The following CLN8 variants were observed in gnomAD, a reference collection of about 807,000 sequenced individuals.
CLN8 encodes the protein protein CLN8.
CLN8 carries 14 observed loss-of-function variants against 15.7 expected under a neutral mutation model. The ratio of observed to expected loss-of-function variants is 0.89; its 90% CI spans 0.59 to 1.39. CLN8 has a LOEUF of 1.39. CLN8 is among the 40% of genes most tolerant of loss of function. The pLI is 0.00. For missense variants in CLN8, 415 were observed against 364.0 expected (o/e 1.14, Z -1.14); for synonymous variants, 188 against 151.0 (o/e 1.25, Z -1.80).
intron 1 of CLN8, among the ~76,000 whole-genome samples, chr8:1,767,209 C>G (rs1352776469): frequency 6.6e-6 from 1 of 152,222 alleles, no homozygotes; most frequent in East Asian, 1.9e-4. Context: ...ACAGCACCAG[C>G]TTACCCAGAA....
chr8:1,758,248 G>A lies in CLN8; in HGVS notation c.-124+2166G>A, dbSNP rs531874674. Reference sequence around the variant, plus strand: ...GAGTTCTTTTTCTCTTTATTTCTAAGGTTTAATTTTGCCACACTTGCTAAA... The same window carrying A: ...GAGTTCTTTTTCTCTTTATTTCTAAAGTTTAATTTTGCCACACTTGCTAAA... On this transcript the variant is annotated intron_variant, in intron 1 of 1. Coordinates refer to the CLN8 transcript ENST00000524258. 6 of 152,236 alleles carry A rather than the reference G, an allele frequency of 3.9e-5. 1 individual carries two copies. Among genetic ancestry groups the A allele is most frequent in the Admixed American group, 1.3e-4 (2 of 15,290 alleles). 9.4% of individuals were successfully genotyped at this position (152,236 alleles called of 1,614,324 possible). A position where few individuals can be genotyped will look rare whatever the true frequency, so the allele number is the denominator to read the frequency against.
Position 1,775,131 on chromosome 8 carries a change from A to T in CLN8, c.543+3534A>T, listed in dbSNP as rs1168058134. 2.0e-5 allele frequency among the ~76,000 whole-genome samples: 3 copies of T among 152,250 alleles called. No homozygotes were observed. The East Asian group carries it at 5.8e-4, about 29-fold the overall frequency. On this transcript the variant is annotated intron_variant, in intron 2 of 2. Coordinates refer to ENST00000331222, the MANE Select transcript of CLN8 (RefSeq NM_018941.4). The stretch of plus-strand genomic sequence containing the variant: ...GATCAAAAATATTTGGGAAAAATTT[A>T]AAATAATATAACAATAAAAAATATA...
chr8:1,760,990 A>G (rs1199244807), upstream of CLN8, among the ~76,000 whole-genome samples: 1 of 149,976 alleles, frequency 6.7e-6, no homozygotes, highest in Admixed American at 6.6e-5. Context: ...GCGTAACTAC[A>G]TCTAAGCATG....
At chr8:1,767,179 C>T (rs1053430944) in intron 1 of CLN8, among the ~76,000 whole-genome samples, 8 of 152,208 alleles carry the variant, frequency 5.3e-5, no homozygotes, top group Non-Finnish European at 1.0e-4. Context: ...CAGAGACCCA[C>T]AGTAACGAGT....
rs1409200731 is a variant in CLN8 at position 1,771,373 on chromosome 8, A to G, written c.319A>G (p.Ile107Val). The G allele has an allele frequency of 2.5e-6, 4 of 1,614,060 alleles. No individual in the cohort carries two copies. The highest frequency in any genetic ancestry group is 2.5e-6 in the Non-Finnish European group (3 of 1,180,038). Residue 107 changes from isoleucine (I) to valine (V), a missense_variant, in exon 2 of 3, where the codon ATC (isoleucine) becomes GTC (valine). By Grantham distance (29) the Ile-to-Val change is conservative. Coordinates refer to ENST00000331222, the MANE Select transcript of CLN8 (RefSeq NM_018941.4). ...CCAGCAGAACTGGTGCTGGTTTCAC[A>G]TCACGACAGCAACGGGATTCTTTTG... ...RGQQNWCWFH[I>V]TTATGFFCFE... is the part of the protein sequence containing the mutation.
chr8:1,767,565 C>CTTTTTTTTTTTTTTTTTTTTTTTTTTTT (rs1156569423), intron 1 of CLN8, among the ~76,000 whole-genome samples: 1 of 81,310 alleles, frequency 1.2e-5, no homozygotes. Context: ...ATGTTTCTTT[C>CTTTTTTTTTTTTTTTTTTTTTTTTTTTT]TTTTTTTTTT....
intron 1 of CLN8, among the ~76,000 whole-genome samples, chr8:1,764,107 C>T (rs1289307423): frequency 6.6e-6 from 1 of 151,410 alleles, no homozygotes; most frequent in Non-Finnish European, 1.5e-5. Flanking sequence ...CAGATGGGCG[C>T]GCGGGAGCCC....
upstream of CLN8, chr8:1,763,359 G>C (rs1337848560): frequency 6.9e-5 from 7 of 101,504 alleles, no homozygotes; most frequent in African/African-American, 2.4e-4. Context: ...CCGTGGTTCA[G>C]CGCGTCCACC....
upstream of CLN8, among the ~76,000 whole-genome samples, chr8:1,761,691 G>T (rs183387671): frequency 6.6e-6 from 1 of 152,206 alleles, no homozygotes; most frequent in Non-Finnish European, 1.5e-5. Flanking sequence ...GCACTGAGGG[G>T]TCAGATCAGA....
upstream of CLN8, among the ~76,000 whole-genome samples, chr8:1,753,569 CAAAAAA>C (rs71190758): frequency 1.6e-4 from 16 of 102,590 alleles, no homozygotes; most frequent in African/African-American, 4.2e-4. Context: ...GAAACTGTTT[CAAAAAA>C]AAAAAAAAAA....
At chr8:1,769,694 C>T (rs1279881485) in intron 1 of CLN8, among the ~76,000 whole-genome samples, 1 of 152,220 alleles carries the variant, frequency 6.6e-6, no homozygotes, top group East Asian at 1.9e-4. Flanking sequence ...TCCAGTTTTT[C>T]AAGAACTTGA....
chr8:1,767,557 GTTTC>G (rs1801114364), intron 1 of CLN8, among the ~76,000 whole-genome samples: 10 of 107,084 alleles, frequency 9.3e-5, no homozygotes, highest in African/African-American at 2.9e-4. Context: ...TGCTCTGTAT[GTTTC>G]TTTCTTTTTT....
chr8:1,770,577 G>GTAATGACTTAAA (rs1801258103), intron 1 of CLN8, among the ~76,000 whole-genome samples: 1 of 152,176 alleles, frequency 6.6e-6, no homozygotes, highest in South Asian at 2.1e-4. Context: ...GTATCCCAGT[G>GTAATGACTTAAA]TAATGACTTA....
In CLN8 at chr8:1,784,329, C is replaced by T. The variant is rs1801778682; in HGVS notation, c.*3762C>T. Reference sequence around the variant, plus strand: ...ACATCATTTCTCACAGTTCTGGAGGCTGGAAGTCCAAGATAAAGGTGTGGG... The same window carrying T: ...ACATCATTTCTCACAGTTCTGGAGGTTGGAAGTCCAAGATAAAGGTGTGGG... On this transcript the variant is annotated 3_prime_UTR_variant, in exon 3 of 3. Coordinates refer to ENST00000331222, the MANE Select transcript of CLN8 (RefSeq NM_018941.4). 1 of 152,018 alleles carries T rather than the reference C, an allele frequency of 6.6e-6. No individual in the cohort carries two copies. The highest frequency in any genetic ancestry group is 2.4e-5 in the African/African-American group (1 of 41,208). The allele number at this position is 152,018 out of a possible 1,614,324, so 9.4% of individuals were successfully genotyped here.
intron 1 of CLN8, among the ~76,000 whole-genome samples, chr8:1,757,889 T>C (rs1800708972): frequency 6.6e-6 from 1 of 152,226 alleles, no homozygotes; most frequent in Non-Finnish European, 1.5e-5. Context: ...CAAATGTTGT[T>C]TGTCTGATCC....
chr8:1,769,354 A>T (rs918942767), intron 1 of CLN8, among the ~76,000 whole-genome samples: 2 of 152,114 alleles, frequency 1.3e-5, no homozygotes, highest in African/African-American at 4.8e-5. Flanking sequence ...TTTTTGCTGA[A>T]TGGCCACAGT....
chr8:1,761,534 AG>A (rs1800796817), upstream of CLN8, among the ~76,000 whole-genome samples: 1 of 152,232 alleles, frequency 6.6e-6, no homozygotes, highest in Non-Finnish European at 1.5e-5. Flanking sequence ...CATGTTGGCC[AG>A]GCTGGTCTTG....
upstream of CLN8, among the ~76,000 whole-genome samples, chr8:1,755,117 C>T (rs182660000): frequency 2.4e-4 from 37 of 152,270 alleles, no homozygotes; most frequent in East Asian, 5.4e-3. Context: ...GAAATCAAGA[C>T]GTTCGTCATT....
rs1430819389 is a variant in CLN8 at position 1,781,491 on chromosome 8, C to T, written c.*924C>T. On this transcript the variant is annotated 3_prime_UTR_variant, in exon 3 of 3. Coordinates refer to ENST00000331222, the MANE Select transcript of CLN8 (RefSeq NM_018941.4). ...CAGCAGAGACGCCTTGGAGTTTAAC[C>T]CCCACCAACCAGAGCGTGGGCTGGT... 6.6e-6 allele frequency: 1 copy of T among 151,812 alleles called. No homozygotes were observed. Among genetic ancestry groups the T allele is most frequent in the Non-Finnish European group, 1.5e-5 (1 of 68,002 alleles). The allele number at this position is 151,812 out of a possible 1,614,324, so 9.4% of individuals were successfully genotyped here. A position where few individuals can be genotyped will look rare whatever the true frequency, so the allele number is the denominator to read the frequency against.
Sources: allele counts gnomAD v4.1 joint callset (sites outside exome capture counted in the v4.1 genomes callset), GRCh38; gene constraint gnomAD v4.1.1; transcripts MANE v1.5; gene names NCBI Gene and HGNC (gene_info 2026-07-23, HGNC 2026-07-21).